Variants in ADAM17 observed in about 807,000 individuals in gnomAD.
ADAM17 encodes disintegrin and metalloproteinase domain-containing protein 17.
Under a neutral mutation model 96.7 loss-of-function variants are expected in ADAM17, and 39 were observed. That is an observed-to-expected ratio of 0.40 (90% CI 0.31 to 0.53). The LOEUF (loss-of-function observed/expected upper bound fraction) is 0.53. Ranked by LOEUF, ADAM17 falls within the 20% of genes least tolerant of loss-of-function variation. The pLI, the probability that ADAM17 is intolerant of heterozygous loss-of-function variation, is 0.44. For synonymous variants in ADAM17, 344 were observed against 359.2 expected (o/e 0.96, Z 0.48); for missense variants, 777 against 1,013.2 (o/e 0.77, Z 3.17).
chr2:9,488,588 A>T lies in ADAM17; in HGVS notation c.*1589T>A, dbSNP rs996405216. On this transcript the variant is annotated 3_prime_UTR_variant, in exon 19 of 19. Transcript: ENST00000310823. Reference sequence around the variant, plus strand: ...TATAAATGACAAAGACTATGTTTTTAAAAAGTCACAATTTTATAAAAATGG... The same window carrying T: ...TATAAATGACAAAGACTATGTTTTTTAAAAGTCACAATTTTATAAAAATGG... 7.6e-5 allele frequency: 23 copies of T among 301,384 alleles called. 1 individual carries two copies. The highest frequency in any genetic ancestry group is 1.2e-4 in the Non-Finnish European group (20 of 166,322). 18.7% of individuals were successfully genotyped at this position (301,384 alleles called of 1,614,324 possible). A position where few individuals can be genotyped will look rare whatever the true frequency, so the allele number is the denominator to read the frequency against.
At chr2:9,532,638 A>ATT (rs70948827) in intron 4 of ADAM17, among the ~76,000 whole-genome samples, 5,315 of 114,176 alleles carry the variant, frequency 0.047, 434 homozygotes, top group African/African-American at 0.17. Flanking sequence ...TGCCCAGCTA[A>ATT]TTTTTTTTTT....
chr2:9,547,885 T>C (rs1241936842), intron 1 of ADAM17, among the ~76,000 whole-genome samples: 1 of 151,902 alleles, frequency 6.6e-6, no homozygotes, highest in African/African-American at 2.4e-5. Flanking sequence ...ACCCCGTCTC[T>C]ACCAAAAAAA....
intron 13 of ADAM17, 91 bp downstream of exon 13, chr2:9,502,082 G>C: frequency 8.9e-7 from 1 of 1,125,778 alleles, no homozygotes; most frequent in Non-Finnish European, 1.3e-6. Flanking sequence ...AAAATAAGGT[G>C]TCTCTCATCT....
intron 11 of ADAM17, 70 bp from the exon 12 acceptor site, chr2:9,505,435 T>C: frequency 1.4e-6 from 2 of 1,475,752 alleles, no homozygotes; most frequent in Non-Finnish European, 9.4e-7. Context: ...AATGTTTGTG[T>C]CTTCTCTAGA....
chr2:9,501,395 A>G (rs1485829292), intron 13 of ADAM17, among the ~76,000 whole-genome samples: 1 of 152,190 alleles, frequency 6.6e-6, no homozygotes, highest in East Asian at 1.9e-4. Context: ...AGACCAGCAC[A>G]TCCTGCCTCT....
chr2:9,520,452 G>C (rs1328557240), intron 8 of ADAM17, among the ~76,000 whole-genome samples: 1 of 152,136 alleles, frequency 6.6e-6, no homozygotes, highest in East Asian at 1.9e-4. Context: ...AGAACTTTCA[G>C]ATCTCCAAGC....
intron 1 of ADAM17, among the ~76,000 whole-genome samples, chr2:9,544,911 T>C (rs1303293120): frequency 1.3e-5 from 2 of 152,176 alleles, no homozygotes; most frequent in African/African-American, 4.8e-5. Flanking sequence ...ACCTTGCACA[T>C]ATCAGCACTC....
In ADAM17 at chr2:9,490,407, G is replaced by A; in HGVS notation, c.2245C>T (p.Pro749Ser). 6.2e-7 allele frequency: 1 copy of A among 1,614,168 alleles called. No individual in the cohort carries two copies. Among genetic ancestry groups the A allele is most frequent in the Non-Finnish European group, 8.5e-7 (1 of 1,180,040 alleles). Residue 749 changes from proline to serine, a missense_variant, in exon 19 of 19, where the codon CCA (proline) becomes TCA (serine). This residue lies in a region of ADAM17 where 197 missense variants were observed against 219.4 expected (regional missense o/e 0.90). Transcript: ENST00000310823. ...TGGTGGTCCAGTTTTGGAGCTGCTG[G>A]CGCCGAAGGGATCACAGGGGCAGGC... ...LQPAPVIPSA[P>S]AAPKLDHQRM...
chr2:9,548,400 A>T lies in ADAM17; in HGVS notation c.98-5115T>A, dbSNP rs148348736. Among the ~76,000 whole-genome samples, 332 of 152,074 alleles carry T rather than the reference A, an allele frequency of 2.2e-3. 2 individuals are homozygous for T. The highest frequency in any genetic ancestry group is 7.5e-3 in the African/African-American group (310 of 41,512). On this transcript the variant is annotated intron_variant, in intron 1 of 18. Coordinates refer to ENST00000310823, the MANE Select transcript of ADAM17 (RefSeq NM_003183.6). ...ATGGGCTAGAGGGGAACAAGACCGGAATGTAGGAAATCTGCTGGTAGGCTG... is the reference window on the plus strand; with the variant it reads ...ATGGGCTAGAGGGGAACAAGACCGGTATGTAGGAAATCTGCTGGTAGGCTG...
intron 3 of ADAM17, 144 bp from the exon 4 acceptor site, chr2:9,536,066 G>C: frequency 2.2e-6 from 1 of 450,494 alleles, no homozygotes; most frequent in Non-Finnish European, 3.7e-6. Context: ...AAAGGCTCCA[G>C]AAAGAAGCTA....
intron 8 of ADAM17, among the ~76,000 whole-genome samples, chr2:9,520,964 C>CA (rs55909096): frequency 0.018 from 473 of 26,142 alleles, 35 homozygotes; most frequent in African/African-American, 0.037. Flanking sequence ...AACTCTGTCT[C>CA]AAAAAAAAAA....
intron 11 of ADAM17, chr2:9,507,059 T>C (rs372146900): frequency 6.6e-6 from 1 of 152,218 alleles, no homozygotes; most frequent in African/African-American, 2.4e-5. Flanking sequence ...CACAGAGAAG[T>C]CCACCTGTGG....
At chr2:9,502,337 A>C in intron 12 of ADAM17, 61 bp from the exon 13 acceptor site, 9 of 1,410,764 alleles carry the variant, frequency 6.4e-6, no homozygotes, top group Non-Finnish European at 8.9e-6. Flanking sequence ...ATCAAATCAA[A>C]CGCTACAGTT....
At chr2:9,528,010 T>C in intron 4 of ADAM17, 56 bp from the exon 5 acceptor site, 1 of 1,156,144 alleles carries the variant, frequency 8.6e-7, no homozygotes, top group Non-Finnish European at 1.2e-6. Context: ...TCCTAAACAC[T>C]AAATTCTTCT....
intron 16 of ADAM17, 94 bp from the exon 17 acceptor site, chr2:9,493,080 A>G: frequency 9.6e-7 from 1 of 1,040,540 alleles, no homozygotes; most frequent in South Asian, 1.6e-5. Flanking sequence ...GTCAAATGCC[A>G]GAGCTGCTGG....
In ADAM17 at chr2:9,494,644, T is replaced by C. The variant is rs1048485082; in HGVS notation, c.1907A>G (p.Asp636Gly). The change falls in exon 15 of 19, where the codon GAC becomes GGC. Residue 636 changes from aspartate to glycine, a missense_variant. Asp to Gly is a moderately conservative substitution (Grantham distance 94, BLOSUM62 -1). This residue lies in a region of ADAM17 where 446 missense variants were observed against 664.7 expected (regional missense o/e 0.67). Coordinates refer to ENST00000310823, the MANE Select transcript of ADAM17 (RefSeq NM_003183.6). ...KGKPCTVGFCDMNGKCEKRVQ... is the reference protein window; with the variant it reads ...KGKPCTVGFCGMNGKCEKRVQ... ...CTGTACATAAATACTCACATTCATG[T>C]CACAAAATCCTACTGTACAGGGCTT... is the stretch of plus-strand genomic sequence containing the variant. The C allele has an allele frequency of 3.7e-6, 6 of 1,613,972 alleles. No homozygotes were observed. Among genetic ancestry groups the C allele is most frequent in the Non-Finnish European group, 4.2e-6 (5 of 1,179,876 alleles).
At chr2:9,530,444 A>G (rs897374003) in intron 4 of ADAM17, among the ~76,000 whole-genome samples, 1 of 152,208 alleles carries the variant, frequency 6.6e-6, no homozygotes, top group East Asian at 1.9e-4. Context: ...CTTGAAGATT[A>G]TGAAGATTAT....
At chr2:9,519,158 C>T (rs2125018969) in intron 8 of ADAM17, among the ~76,000 whole-genome samples, 1 of 152,238 alleles carries the variant, frequency 6.6e-6, no homozygotes, top group African/African-American at 2.4e-5. Context: ...CTCAGCCTCC[C>T]AAAGTGCTGG....
intron 14 of ADAM17, 151 bp downstream of exon 14, chr2:9,496,963 C>G (rs753436840): frequency 1.3e-5 from 16 of 1,199,410 alleles, no homozygotes; most frequent in Non-Finnish European, 1.8e-5. Context: ...ATGCCTGTCT[C>G]CAGACACCAC....
Sources: gnomAD v4.1 joint callset for allele counts (sites outside exome capture counted in the v4.1 genomes callset) on GRCh38, gnomAD v4.1.1 for gene constraint, gnomAD v4.1.1 regional missense constraint, MANE v1.5 for transcripts, NCBI Gene and HGNC (gene_info 2026-07-23, HGNC 2026-07-21) for gene names.